Variants in TENM2 observed in about 807,000 individuals in gnomAD.
TENM2 encodes the protein teneurin transmembrane protein 2.
In TENM2, 52 loss-of-function variants were observed where a neutral mutation model predicts 245.2. The ratio of observed to expected loss-of-function variants is 0.21; its 90% CI spans 0.17 to 0.27. TENM2 has a LOEUF of 0.27. TENM2 is among the 10% of genes least tolerant of loss of function. The probability of loss-of-function intolerance (pLI) is 1.00; values close to 1 mark genes in which losing one functional copy is unlikely to be tolerated. For synonymous variants in TENM2, 1,363 were observed against 1,438.9 expected (o/e 0.95, Z 1.19); for missense variants, 3,046 against 3,666.8 (o/e 0.83, Z 4.37).
At chr5:167,317,783 C>T (rs1756460492) in intron 1 of TENM2, among the ~76,000 whole-genome samples, 1 of 152,126 alleles carries the variant, frequency 6.6e-6, no homozygotes, top group Non-Finnish European at 1.5e-5. Flanking sequence ...TTTTGCTTTT[C>T]CTCCTTGCCT....
At chr5:167,498,249 G>A (rs531663114) in intron 2 of TENM2, among the ~76,000 whole-genome samples, 8 of 152,012 alleles carry the variant, frequency 5.3e-5, no homozygotes, top group Non-Finnish European at 1.2e-4. Context: ...ATGCAGAGGC[G>A]CCGGGAACTC....
intron 25 of TENM2, among the ~76,000 whole-genome samples, chr5:168,243,425 T>C (rs62385562): frequency 0.081 from 12,402 of 152,274 alleles, 523 homozygotes; most frequent in South Asian, 0.16. Flanking sequence ...TCCCCACTGA[T>C]GTCTCACATT....
exon 10 of TENM2, chr5:168,118,381 G>A (rs367720785): frequency 9.9e-6 from 16 of 1,611,672 alleles, no homozygotes; most frequent in African/African-American, 1.3e-5. Context: ...AGAGTGCGAC[G>A]TGCCCATGAA....
At chr5:167,015,781 T>C in the TENM2 span, among the ~76,000 whole-genome samples, 1 of 152,224 alleles carries the variant, frequency 6.6e-6, no homozygotes, top group East Asian at 1.9e-4. Context: ...TTTTTTTTCT[T>C]AGATTTGCAT....
chr5:167,869,205 G>A (rs1216199969), intron 2 of TENM2, among the ~76,000 whole-genome samples: 3 of 152,182 alleles, frequency 2.0e-5, no homozygotes, highest in African/African-American at 4.8e-5. Context: ...CAGGTATGAA[G>A]GAAGAAATAA....
intron 2 of TENM2, among the ~76,000 whole-genome samples, chr5:167,592,209 C>T (rs930315687): frequency 2.0e-5 from 3 of 152,182 alleles, no homozygotes; most frequent in Non-Finnish European, 2.9e-5. Flanking sequence ...TCTCTGGTAA[C>T]CCTCTTATGG....
chr5:167,238,993 T>A, the TENM2 span, among the ~76,000 whole-genome samples: 3 of 152,332 alleles, frequency 2.0e-5, no homozygotes, highest in Non-Finnish European at 2.9e-5. Flanking sequence ...AGTATTTGCA[T>A]ACTTGGTTCG....
intron 2 of TENM2, among the ~76,000 whole-genome samples, chr5:167,530,667 G>C (rs932020033): frequency 6.6e-6 from 1 of 152,208 alleles, no homozygotes; most frequent in African/African-American, 2.4e-5. Flanking sequence ...CCCTGCTCAA[G>C]AGTCCCAGTC....
intron 3 of TENM2, among the ~76,000 whole-genome samples, chr5:167,892,404 A>C (rs1163906484): frequency 1.3e-5 from 2 of 152,148 alleles, no homozygotes; most frequent in Non-Finnish European, 2.9e-5. Flanking sequence ...ATGCAACCAA[A>C]CTTTAACAGG....
At chr5:167,989,298 G>GAGAGAGAGAGAGAGAGAA (rs772430462) in intron 4 of TENM2, among the ~76,000 whole-genome samples, 6 of 147,656 alleles carry the variant, frequency 4.1e-5, no homozygotes, top group African/African-American at 1.5e-4. Context: ...GAGAGAGAGA[G>GAGAGAGAGAGAGAGAGAA]AGATAGATAG....
At chr5:167,483,666 T>C (rs1039765704) in intron 2 of TENM2, among the ~76,000 whole-genome samples, 3 of 152,248 alleles carry the variant, frequency 2.0e-5, no homozygotes, top group Non-Finnish European at 4.4e-5. Context: ...TACATTCTTT[T>C]TCTTCTGCTC....
intron 3 of TENM2, among the ~76,000 whole-genome samples, chr5:167,932,098 A>ACTG (rs1778333831): frequency 6.6e-6 from 1 of 152,192 alleles, no homozygotes; most frequent in African/African-American, 2.4e-5. Context: ...CGGGAGTCTG[A>ACTG]CTGCAGGTGC....
chr5:167,717,982 C>G (rs887713492), intron 2 of TENM2, among the ~76,000 whole-genome samples: 1 of 152,064 alleles, frequency 6.6e-6, no homozygotes, highest in Non-Finnish European at 1.5e-5. Flanking sequence ...TGCTAATTCC[C>G]AAAGGAGATT....
intron 2 of TENM2, among the ~76,000 whole-genome samples, chr5:167,461,967 G>A (rs1439026753): frequency 6.6e-6 from 1 of 152,134 alleles, no homozygotes; most frequent in Non-Finnish European, 1.5e-5. Flanking sequence ...GAAACATAAT[G>A]GTTGTAAGAT....
chr5:167,375,912 G>T (rs558249434), intron 2 of TENM2, among the ~76,000 whole-genome samples: 26 of 152,240 alleles, frequency 1.7e-4, no homozygotes, highest in African/African-American at 5.1e-4. Flanking sequence ...TTTCCAGGCG[G>T]CAATGCCTCA....
intron 2 of TENM2, among the ~76,000 whole-genome samples, chr5:167,804,387 G>T (rs1420678701): frequency 2.0e-5 from 3 of 152,020 alleles, no homozygotes; most frequent in Non-Finnish European, 4.4e-5. Flanking sequence ...GAGATCTGAG[G>T]GCGTAGAGCA....
chr5:168,248,450 TC>T, intron 27 of TENM2, 79 bp downstream of exon 29: 1 of 1,408,328 alleles, frequency 7.1e-7, no homozygotes, highest in Non-Finnish European at 9.6e-7. Context: ...GAGGAAGGTC[TC>T]CCATCTTATG....
intron 15 of TENM2, among the ~76,000 whole-genome samples, 199 bp from the exon 18 acceptor site, chr5:168,198,654 G>A (rs1761672272): frequency 1.3e-5 from 2 of 152,320 alleles, no homozygotes; most frequent in South Asian, 4.2e-4. Flanking sequence ...CTTGGGCTGA[G>A]AGAGGGTTAG....
At chr5:167,946,336 C>T (rs1321982872) in intron 3 of TENM2, among the ~76,000 whole-genome samples, 1 of 142,948 alleles carries the variant, frequency 7.0e-6, no homozygotes, top group Admixed American at 6.9e-5. Context: ...GCTCATTCCT[C>T]ATGCTGCCCC....
Sources: allele counts gnomAD v4.1 joint callset (sites outside exome capture counted in the v4.1 genomes callset), GRCh38; gene constraint gnomAD v4.1.1; transcripts MANE v1.5; gene names NCBI Gene and HGNC (gene_info 2026-07-23, HGNC 2026-07-21).